CCDC83: variants seen among roughly 807,000 people sequenced by gnomAD.
CCDC83 encodes coiled-coil domain-containing protein 83.
A neutral mutation model predicts 50.1 loss-of-function variants in CCDC83; 54 were observed. The observed-to-expected ratio is 1.08, with a 90% CI of 0.87 to 1.35. The LOEUF is 1.35. CCDC83 is among the 40% of genes most tolerant of loss of function. CCDC83 has a pLI of 0.00. For synonymous variants in CCDC83, 161 were observed against 153.3 expected (o/e 1.05, Z -0.37); for missense variants, 518 against 473.9 (o/e 1.09, Z -0.86).
chr11:85,874,893 G>A (rs2093260230), intron 3 of CCDC83, among the ~76,000 whole-genome samples: 1 of 152,164 alleles, frequency 6.6e-6, no homozygotes, highest in Non-Finnish European at 1.5e-5. Flanking sequence ...TCTGACCCCT[G>A]TTCACCTCTC....
At chr11:85,909,289 T>C (rs946716567) in intron 7 of CCDC83, among the ~76,000 whole-genome samples, 2 of 152,240 alleles carry the variant, frequency 1.3e-5, no homozygotes, top group African/African-American at 4.8e-5. Context: ...AGTTACACTC[T>C]TGGCAGCTTC....
chr11:85,905,969 C>CAAAA (rs760367430), intron 7 of CCDC83, among the ~76,000 whole-genome samples: 40 of 47,556 alleles, frequency 8.4e-4, no homozygotes, highest in African/African-American at 1.5e-3. Context: ...GACTCCGTCT[C>CAAAA]AAAAAAAAAA....
chr11:85,881,711 A>G (rs2093301498), intron 3 of CCDC83, among the ~76,000 whole-genome samples: 1 of 152,140 alleles, frequency 6.6e-6, no homozygotes, highest in Non-Finnish European at 1.5e-5. Context: ...GAGCCACCAC[A>G]CGCTGCCCAG....
rs60016304 is a variant in CCDC83, at chr11:85,917,163, A to AAG, written c.1080+930_1080+931insAG. Among the ~76,000 whole-genome samples the AAG allele has an allele frequency of 3.6e-3, 355 of 99,052 alleles. 3 individuals carry two copies. The highest frequency in any genetic ancestry group is 0.013 in the African/African-American group (337 of 25,780). 65.0% of individuals were successfully genotyped at this position (99,052 alleles called of 152,430 possible). The stretch of plus-strand genomic sequence containing the variant: ...GAGAGAGAGAGAGAGAGAGAGAGAG[A>AAG]GAGAGAAAGAAAGAAAGAAAGAAAG... On this transcript the variant is annotated intron_variant, in intron 10 of 10. Transcript: ENST00000342404.
chr11:85,887,877 A>G (rs1592162363), intron 5 of CCDC83, among the ~76,000 whole-genome samples: 2 of 143,800 alleles, frequency 1.4e-5, no homozygotes, highest in Admixed American at 1.5e-4. Flanking sequence ...AACACAGCTC[A>G]CTGCAGCCTC....
At chr11:85,866,440 C>A (rs1454753674) in intron 2 of CCDC83, among the ~76,000 whole-genome samples, 2 of 152,174 alleles carry the variant, frequency 1.3e-5, no homozygotes, top group East Asian at 3.9e-4. Flanking sequence ...ATAATCCCAG[C>A]CCTTTGAGAG....
intron 7 of CCDC83, among the ~76,000 whole-genome samples, chr11:85,909,609 CTTTTTTTTTTTTTTTTTTTT>C (rs71468972): frequency 8.7e-5 from 5 of 57,706 alleles, no homozygotes; most frequent in Non-Finnish European, 1.6e-4. Context: ...TCAAAATACA[CTTTTTTTTTTTTTTTTTTTT>C]TTTTTTTTTT....
At position 85,896,552 on chromosome 11, in the gene CCDC83, T is replaced by C. The variant is rs529914342; in HGVS notation, c.603+1168T>C. Among the ~76,000 whole-genome samples the C allele has an allele frequency of 6.6e-4, 101 of 152,056 alleles. 1 individual carries two copies. The highest frequency in any genetic ancestry group is 3.4e-3 in the Middle Eastern group (1 of 294). ...ATTTTGGATGCTCAACCTGTGATAA[T>C]GGTTGTAACAAAATATTAAAATAAA... On this transcript the variant is annotated intron_variant, in intron 6 of 10. Coordinates refer to ENST00000342404, the MANE Select transcript of CCDC83 (RefSeq NM_001286159.2).
At chr11:85,879,150 C>G (rs1332249568) in intron 3 of CCDC83, among the ~76,000 whole-genome samples, 1 of 152,136 alleles carries the variant, frequency 6.6e-6, no homozygotes, top group Non-Finnish European at 1.5e-5. Flanking sequence ...TCCAGTTTAT[C>G]AATTTTTCCT....
rs138195092 is a variant in CCDC83 at position 85,915,622 on chromosome 11, C to T, written c.874+124C>T. On this transcript the variant is annotated intron_variant, in intron 9 of 10. Transcript: ENST00000342404. The stretch of plus-strand genomic sequence containing the variant: ...AAGCTATTCAGAGAATAGACACCTG[C>T]CAGCTTCTCTAAATTTCTCCTCTTG... 3 of 638,138 alleles carry T rather than the reference C, an allele frequency of 4.7e-6. No individual in the cohort carries two copies. In the African/African-American group the frequency reaches 5.5e-5, roughly 12 times the overall value. The allele number at this position is 638,138 out of a possible 1,614,324, so 39.5% of individuals were successfully genotyped here. A position where few individuals can be genotyped will look rare whatever the true frequency, so the allele number is the denominator to read the frequency against.
Position 85,886,237 on chromosome 11 carries a change from T to G in CCDC83, c.381T>G (p.Phe127Leu). 1 of 1,598,722 alleles carries G rather than the reference T, an allele frequency of 6.3e-7. No individual in the cohort carries two copies. The highest frequency in any genetic ancestry group is 1.1e-5 in the South Asian group (1 of 87,536). ...RMQISNAEKL[F>L]LEKLSEKEYW... ...AAATAAGTAATGCTGAGAAACTATT[T>G]CTTGAGAAACTCAGTGAAAAGGAAT... The change falls in exon 5 of 11, where the codon TTT becomes TTG. Residue 127 changes from phenylalanine to leucine, a missense_variant. Phe to Leu is a conservative substitution (Grantham distance 22). Coordinates refer to ENST00000342404, the MANE Select transcript of CCDC83 (RefSeq NM_001286159.2).
chr11:85,915,579 C>A, intron 9 of CCDC83, 81 bp downstream of exon 9: 1 of 942,952 alleles, frequency 1.1e-6, no homozygotes, highest in Non-Finnish European at 1.6e-6. Context: ...CTATTGTGAG[C>A]AGGTGCCCCA....
chr11:85,879,117 A>G (rs1403434423), intron 3 of CCDC83, among the ~76,000 whole-genome samples: 2 of 152,194 alleles, frequency 1.3e-5, no homozygotes, highest in African/African-American at 4.8e-5. Flanking sequence ...GTAACAGAGT[A>G]AAAGTTTTTA....
At chr11:85,905,576 C>A (rs1203021431) in intron 7 of CCDC83, among the ~76,000 whole-genome samples, 1 of 151,076 alleles carries the variant, frequency 6.6e-6, no homozygotes, top group East Asian at 1.9e-4. Flanking sequence ...TGCTACTTTA[C>A]TCCAGCCTGG....
At chr11:85,897,879 G>T (rs1241869143) in intron 6 of CCDC83, among the ~76,000 whole-genome samples, 2 of 152,230 alleles carry the variant, frequency 1.3e-5, no homozygotes, top group Middle Eastern at 6.8e-3. Context: ...TAATAGGGCT[G>T]GGCGCGGTGG....
intron 10 of CCDC83, among the ~76,000 whole-genome samples, chr11:85,917,134 A>C (rs77602494): frequency 2.6e-5 from 2 of 77,882 alleles, no homozygotes; most frequent in Non-Finnish European, 4.7e-5. Flanking sequence ...AAGAAAAAGA[A>C]AGAGAGAGAG....
chr11:85,895,649 C>T (rs1212910774), intron 6 of CCDC83, among the ~76,000 whole-genome samples: 4 of 152,188 alleles, frequency 2.6e-5, no homozygotes, highest in Non-Finnish European at 5.9e-5. Flanking sequence ...CACAGTTCTA[C>T]ACTTACTGGC....
chr11:85,860,768 A>C (rs1484853593), intron 1 of CCDC83, among the ~76,000 whole-genome samples: 1 of 152,252 alleles, frequency 6.6e-6, no homozygotes, highest in Non-Finnish European at 1.5e-5. Context: ...GATAAAGAAA[A>C]TGTGGTACAC....
At chr11:85,905,894 G>A (rs34412519) in intron 7 of CCDC83, among the ~76,000 whole-genome samples, 1,866 of 149,324 alleles carry the variant, frequency 0.012, 19 homozygotes, top group Non-Finnish European at 0.022. Context: ...TCGTGATCCC[G>A]GGAGGTGGAG....
Sources: allele counts gnomAD v4.1 joint callset (sites outside exome capture counted in the v4.1 genomes callset), GRCh38; gene constraint gnomAD v4.1.1; transcripts MANE v1.5; gene names NCBI Gene and HGNC (gene_info 2026-07-23, HGNC 2026-07-21).